PYY: variants seen among roughly 807,000 people sequenced by gnomAD.
The protein encoded by PYY is peptide tyrosine tyrosine.
Under a neutral mutation model 10.3 loss-of-function variants are expected in PYY, and 12 were observed. The ratio of observed to expected loss-of-function variants is 1.17; its 90% CI spans 0.75 to 1.89. PYY has a LOEUF of 1.89. PYY is among the 40% of genes most tolerant of loss of function. PYY has a pLI of 0.00. For missense variants in PYY, 141 were observed against 134.0 expected (o/e 1.05, Z -0.26); for synonymous variants, 66 against 62.0 (o/e 1.06, Z -0.30).
chr17:43,974,444 C>A (rs1470430127), intron 1 of PYY, among the ~76,000 whole-genome samples: 1 of 152,084 alleles, frequency 6.6e-6, no homozygotes, highest in Non-Finnish European at 1.5e-5. Flanking sequence ...CCGACAAAAC[C>A]TGCTTCAAAC....
At chr17:43,995,240 C>G (rs1003123710) in intron 1 of PYY, among the ~76,000 whole-genome samples, 1 of 152,234 alleles carries the variant, frequency 6.6e-6, no homozygotes, top group Non-Finnish European at 1.5e-5. Context: ...CCCGATACCC[C>G]ACAATCTCCT....
intron 1 of PYY, among the ~76,000 whole-genome samples, chr17:43,967,858 C>A (rs541162011): frequency 1.3e-3 from 204 of 152,252 alleles, no homozygotes; most frequent in African/African-American, 4.8e-3. Context: ...CAAGACAGCG[C>A]CAAATCCAGA....
At chr17:43,958,662 G>C (rs2048691961), upstream of PYY, among the ~76,000 whole-genome samples, 1 of 152,190 alleles carries the variant, frequency 6.6e-6, no homozygotes, top group Non-Finnish European at 1.5e-5. Context: ...TTACGAGTGT[G>C]AGCCACCACA....
At chr17:43,960,482 G>A (rs2143898347) in intron 2 of PYY, among the ~76,000 whole-genome samples, 1 of 117,008 alleles carries the variant, frequency 8.5e-6, no homozygotes, top group South Asian at 3.1e-4. Flanking sequence ...GGCGGAGGTT[G>A]CAATGAACTG....
intron 1 of PYY, among the ~76,000 whole-genome samples, chr17:43,999,653 A>G (rs184950825): frequency 3.9e-3 from 589 of 152,164 alleles, no homozygotes; most frequent in Middle Eastern, 6.8e-3. Context: ...CTGTAATCCC[A>G]GCTACTCGGG....
At position 44,002,275 on chromosome 17, in the gene PYY, C is replaced by G. The variant is rs80283969; in HGVS notation, c.-463+2116G>C. Among the ~76,000 whole-genome samples, 574 of 152,306 alleles carry G rather than the reference C, an allele frequency of 3.8e-3. 4 individuals are homozygous for G. The highest frequency in any genetic ancestry group is 0.013 in the African/African-American group (558 of 41,566). ...GGTAAGCGCACTCACTCGGCCTCCC[C>G]TGGAGACTCCTCAGGAGGGAAGTAG... On this transcript the variant is annotated intron_variant, in intron 1 of 6. Transcript: ENST00000360085.
intron 1 of PYY, among the ~76,000 whole-genome samples, chr17:44,000,168 C>A (rs956304993): frequency 4.6e-5 from 7 of 152,156 alleles, no homozygotes; most frequent in African/African-American, 1.7e-4. Context: ...CACATGCACA[C>A]CATTATGCCC....
In PYY at chr17:43,952,948, A is replaced by AG. The variant is rs2048641502; in HGVS notation, c.*7dup. On this transcript the variant is annotated 3_prime_UTR_variant, in exon 4 of 4. Coordinates refer to ENST00000692052, the MANE Select transcript of PYY (RefSeq NM_001394028.1). Reference sequence around the variant, plus strand: ...GTTGGCAGATCTCCCAGGAGGCCTCAGGGGTCCTCACCACAGGTCTGGGCC... The same window carrying AG: ...GTTGGCAGATCTCCCAGGAGGCCTCAGGGGGTCCTCACCACAGGTCTGGGCC... 6.5e-7 allele frequency: 1 copy of AG among 1,546,342 alleles called. No homozygotes were observed. The highest frequency in any genetic ancestry group is 1.2e-5 in the South Asian group (1 of 80,792).
intron 1 of PYY, among the ~76,000 whole-genome samples, chr17:43,983,575 C>T (rs968595587): frequency 6.6e-6 from 1 of 152,196 alleles, no homozygotes; most frequent in Non-Finnish European, 1.5e-5. Context: ...AGGACCATGC[C>T]CTGGGGGCTC....
chr17:43,983,089 G>A (rs1006382638), intron 1 of PYY, among the ~76,000 whole-genome samples: 8 of 152,226 alleles, frequency 5.3e-5, no homozygotes, highest in Admixed American at 1.3e-4. Flanking sequence ...AAAATGAGCC[G>A]GGTGTGGTGG....
chr17:43,986,145 G>C (rs2048914611), intron 1 of PYY, among the ~76,000 whole-genome samples: 1 of 152,164 alleles, frequency 6.6e-6, no homozygotes, highest in East Asian at 1.9e-4. Context: ...TGTAATCCCA[G>C]CTACCTGGGA....
At chr17:43,959,425 C>T (rs1198774302) in intron 2 of PYY, among the ~76,000 whole-genome samples, 1 of 152,236 alleles carries the variant, frequency 6.6e-6, no homozygotes, top group African/African-American at 2.4e-5. Flanking sequence ...TGGCTCATGC[C>T]TGTAATCCCC....
At chr17:43,959,293 G>T (rs2048695909) in intron 2 of PYY, among the ~76,000 whole-genome samples, 1 of 152,206 alleles carries the variant, frequency 6.6e-6, no homozygotes, top group Non-Finnish European at 1.5e-5. Flanking sequence ...ATCAAAACAA[G>T]GGCTTCTCTA....
intron 1 of PYY, among the ~76,000 whole-genome samples, chr17:43,998,437 A>G (rs1465447227): frequency 6.6e-6 from 1 of 152,146 alleles, no homozygotes; most frequent in Non-Finnish European, 1.5e-5. Flanking sequence ...ATGCACCTGC[A>G]GTCCCAGCTA....
chr17:44,002,821 T>G (rs1444073152), intron 1 of PYY, among the ~76,000 whole-genome samples: 3 of 152,198 alleles, frequency 2.0e-5, no homozygotes, highest in Non-Finnish European at 4.4e-5. Flanking sequence ...GAATGACTAT[T>G]TGTGAAGTCC....
intron 2 of PYY, among the ~76,000 whole-genome samples, chr17:43,963,013 A>G (rs988641907): frequency 6.6e-6 from 1 of 152,206 alleles, no homozygotes; most frequent in African/African-American, 2.4e-5. Context: ...AAAAGGGGAG[A>G]GAGGAACAGA....
chr17:44,001,880 T>A (rs931853447), intron 1 of PYY, among the ~76,000 whole-genome samples: 1 of 152,126 alleles, frequency 6.6e-6, no homozygotes, highest in Non-Finnish European at 1.5e-5. Context: ...CCTGCTGTGA[T>A]GAAGAGCTGG....
chr17:44,003,084 C>T (rs903893726), intron 1 of PYY, among the ~76,000 whole-genome samples: 126 of 152,186 alleles, frequency 8.3e-4, no homozygotes, highest in African/African-American at 2.9e-3. Context: ...GTCGCCCAGA[C>T]GGGAGTGCAG....
intron 1 of PYY, among the ~76,000 whole-genome samples, chr17:43,981,829 A>C (rs572706210): frequency 1.3e-5 from 2 of 152,178 alleles, no homozygotes; most frequent in African/African-American, 4.8e-5. Flanking sequence ...TCTGTTGTGA[A>C]TTGTCTGACC....
Sources: allele counts gnomAD v4.1 joint callset (sites outside exome capture counted in the v4.1 genomes callset), GRCh38; gene constraint gnomAD v4.1.1; transcripts MANE v1.5; gene names NCBI Gene and HGNC (gene_info 2026-07-23, HGNC 2026-07-21).